Variants in NLRC3 observed in about 807,000 individuals in gnomAD.
NLRC3 encodes the protein NLR family CARD domain-containing protein 3.
In NLRC3, 87 loss-of-function variants were observed where a neutral mutation model predicts 91.6. That is an observed-to-expected ratio of 0.95 (90% CI 0.80 to 1.14). The LOEUF (loss-of-function observed/expected upper bound fraction) is 1.14. NLRC3 is among the 50% of genes most tolerant of loss of function. The pLI is 0.00. For synonymous variants in NLRC3, 694 were observed against 625.3 expected, an observed-to-expected ratio of 1.11 and a Z score of -1.64; for missense variants, 1,577 against 1,418.6, an observed-to-expected ratio of 1.11 and a Z score of -1.79.
At chr16:3,556,135 C>T (rs1387502568) in intron 8 of NLRC3, among the ~76,000 whole-genome samples, 2 of 149,272 alleles carry the variant, frequency 1.3e-5, no homozygotes, top group South Asian at 4.3e-4. Flanking sequence ...TCGAGACCAG[C>T]CTGGTCAAAA....
intron 2 of NLRC3, among the ~76,000 whole-genome samples, 200 bp from the exon 3 acceptor site, chr16:3,565,580 G>A (rs1157234611): frequency 6.7e-6 from 1 of 149,514 alleles, no homozygotes; most frequent in Non-Finnish European, 1.5e-5. Context: ...GAGACAGGAA[G>A]ACAGTGAAAG....
At chr16:3,565,948 C>T (rs1012336637) in intron 2 of NLRC3, among the ~76,000 whole-genome samples, 15 of 151,088 alleles carry the variant, frequency 9.9e-5, no homozygotes, top group Non-Finnish European at 1.8e-4. Context: ...GCCAAGGCAG[C>T]AGGATCGCTT....
Position 3,563,938 on chromosome 16 carries a change from C to A in NLRC3, c.999G>T (p.Arg333Ser). The A allele has an allele frequency of 6.3e-7, 1 of 1,593,564 alleles. No individual in the cohort carries two copies. The highest frequency in any genetic ancestry group is 8.5e-7 in the Non-Finnish European group (1 of 1,172,012). ...YLMCTVPAFC[R>S]LTGMALGHLW... is the part of the protein sequence containing the mutation. ...GGTGGCCTAGCGCCATCCCCGTGAG[C>A]CTGCAGAAGGCTGGGACGGTGCACA... is the stretch of plus-strand genomic sequence containing the variant. Residue 333 changes from arginine (R) to serine (S), a missense_variant, in exon 5 of 20, where the codon AGG (arginine) becomes AGT (serine). Physicochemically the swap from Arg to Ser is moderately radical, Grantham distance 110 (BLOSUM62 -1). Transcript: ENST00000359128.
chr16:3,554,348 A>T, intron 8 of NLRC3, 23 bp from the exon 9 acceptor site: 1 of 1,580,176 alleles, frequency 6.3e-7, no homozygotes, highest in East Asian at 2.2e-5. Context: ...GAAGAGGCTC[A>T]TCACTGATGG....
rs116307374 is a variant in NLRC3 at position 3,576,540 on chromosome 16, G to T, written c.-169+609C>A. On this transcript the variant is annotated intron_variant, in intron 1 of 19. Transcript: ENST00000359128. ...GGCTCAGCATCACCACTGCCTGCCC[G>T]CAGCACCTTCAAGATGCTTCCTGCT... Among the ~76,000 whole-genome samples, 601 of 152,350 alleles carry T rather than the reference G, an allele frequency of 3.9e-3. 6 individuals carry two copies. Among genetic ancestry groups the T allele is most frequent in the African/African-American group, 0.014 (574 of 41,590 alleles).
intron 17 of NLRC3, 181 bp from the exon 18 acceptor site, chr16:3,542,956 G>A (rs982627369): frequency 2.4e-5 from 14 of 582,136 alleles, no homozygotes; most frequent in African/African-American, 2.1e-4. Flanking sequence ...GGGAAGCAGG[G>A]CACACAGGGG....
In NLRC3 at chr16:3,564,101, A is replaced by G. The variant is rs2039756473; in HGVS notation, c.836T>C (p.Leu279Pro). 3 of 1,613,506 alleles carry G rather than the reference A, an allele frequency of 1.9e-6. No individual in the cohort carries two copies. In the Admixed American group the frequency reaches 5.0e-5, roughly 27 times the overall value. ...CCGGATCTCCGTCATCCGGTCCACC[A>G]GGCCCCCTGGGATCTGGCCAGATGC... ...PSASGQIPGG[L>P]VDRMTEIRGF... The change falls in exon 5 of 20, where the codon CTG becomes CCG. Residue 279 changes from leucine (L) to proline (P), a missense_variant. Transcript: ENST00000359128. This position sits in a 1 kb window ranked among gnomAD's most constrained non-coding sequence, Gnocchi z 5.9.
rs370371750 is a variant in NLRC3, at chr16:3,554,290, C to G, written c.2219G>C (p.Arg740Thr). The G allele has an allele frequency of 5.1e-5, 83 of 1,613,910 alleles. No individual in the cohort carries two copies. Among genetic ancestry groups the G allele is most frequent in the Admixed American group, 8.3e-5 (5 of 60,020 alleles). Residue 740 changes from arginine to threonine, a missense_variant, in exon 9 of 20, where the codon AGG becomes ACG. By Grantham distance (71) the Arg-to-Thr change is moderately conservative. Coordinates refer to ENST00000359128, the MANE Select transcript of NLRC3 (RefSeq NM_178844.4). ...GGAGGCCAAGGCCTCAGCCATGGAC[C>G]TGGCACCATCATCCCTAACGGTGTT... ...QGNTVRDDGA[R>T]SMAEALASNR...
Position 3,563,567 on chromosome 16 carries a change from G to A in NLRC3, c.1370C>T (p.Ser457Phe). Residue 457 changes from serine (S) to phenylalanine (F), a missense_variant, in exon 5 of 20, where the codon TCC becomes TTC. Physicochemically the swap from Ser to Phe is radical, Grantham distance 155. Coordinates refer to ENST00000359128, the MANE Select transcript of NLRC3 (RefSeq NM_178844.4). ...CGCGGCTGCCACAAACTCCTGCAGG[G>A]ACAGGTGGGTGAAGCAGTAGGCCAC... Reference protein sequence around the residue: ...SSVAYCFTHLSLQEFVAAAYY... With the variant: ...SSVAYCFTHLFLQEFVAAAYY... 3 of 1,612,386 alleles carry A rather than the reference G, an allele frequency of 1.9e-6. No homozygotes were observed. The highest frequency in any genetic ancestry group is 2.5e-6 in the Non-Finnish European group (3 of 1,179,466).
rs1055716389 is a variant in NLRC3 at position 3,550,401 on chromosome 16, C to A, written c.2435+13G>T. ...AACCCAGGGGGAATCGTCACCCTGG[C>A]AGGTGGACTCACTCCAGGCTCTCCA... On this transcript the variant is annotated intron_variant, in intron 11 of 19. Coordinates refer to ENST00000359128, the MANE Select transcript of NLRC3 (RefSeq NM_178844.4). The A allele has an allele frequency of 1.9e-6, 3 of 1,580,760 alleles. No individual in the cohort carries two copies. The African/African-American group carries it at 4.0e-5, about 21-fold the overall frequency.
At chr16:3,543,201 T>C in intron 17 of NLRC3, 1 of 542,018 alleles carries the variant, frequency 1.8e-6, no homozygotes, top group South Asian at 2.0e-5. Context: ...ACCAGGCCTC[T>C]AGACGTGTTC....
At chr16:3,560,704 CGCTGGAGTGCAGTGGT>C (rs1179536413) in intron 6 of NLRC3, among the ~76,000 whole-genome samples, 2 of 151,886 alleles carry the variant, frequency 1.3e-5, no homozygotes, top group African/African-American at 2.4e-5. Flanking sequence ...AGTGCAGTGG[CGCTGGAGTGCAGTGGT>C]GCGATCTCGG....
chr16:3,551,766 CCCATCCATCCAT>C (rs370210844), intron 10 of NLRC3, among the ~76,000 whole-genome samples: 1 of 111,530 alleles, frequency 9.0e-6, no homozygotes. Context: ...AGTCCTCTCA[CCCATCCATCCAT>C]CCATCCATCC....
In NLRC3 at chr16:3,564,791, A is replaced by G; in HGVS notation, c.179-33T>C. The G allele has an allele frequency of 6.4e-7, 1 of 1,567,218 alleles. No individual in the cohort carries two copies. On this transcript the variant is annotated intron_variant, in intron 4 of 19. Coordinates refer to ENST00000359128, the MANE Select transcript of NLRC3 (RefSeq NM_178844.4). The surrounding 1 kb of genome is among the most constrained non-coding windows in gnomAD (Gnocchi z 5.9). The stretch of plus-strand genomic sequence containing the variant: ...ACAGAGGCCAGTGGGGAGGTCTGGT[A>G]AGGGAAGAGTGGGCACAATCAGCCC...
At chr16:3,551,369 C>T (rs1489725816) in intron 10 of NLRC3, among the ~76,000 whole-genome samples, 1 of 151,276 alleles carries the variant, frequency 6.6e-6, no homozygotes, top group African/African-American at 2.4e-5. Flanking sequence ...TTCACGTACC[C>T]ATCCACCTAT....
At chr16:3,550,583 C>A in intron 10 of NLRC3, 86 bp from the exon 11 acceptor site, 1 of 941,176 alleles carries the variant, frequency 1.1e-6, no homozygotes, top group Non-Finnish European at 1.7e-6. Context: ...GGAAGCCCTC[C>A]TGGGAGGGCT....
chr16:3,576,329 G>A (rs2040290492), intron 1 of NLRC3, among the ~76,000 whole-genome samples: 1 of 152,224 alleles, frequency 6.6e-6, no homozygotes, highest in Non-Finnish European at 1.5e-5. Context: ...CTGTGGGCAG[G>A]AGAGGCCCTG....
intron 10 of NLRC3, among the ~76,000 whole-genome samples, chr16:3,551,362 A>C (rs1280577896): frequency 6.7e-6 from 1 of 150,166 alleles, no homozygotes; most frequent in Admixed American, 6.6e-5. Context: ...CCATCCATTC[A>C]CGTACCCATC....
intron 5 of NLRC3, among the ~76,000 whole-genome samples, chr16:3,562,152 T>G (rs2039642896): frequency 1.3e-5 from 2 of 152,174 alleles, no homozygotes. Flanking sequence ...GTGTGCAGCT[T>G]CTATCAGACT....
Sources: gnomAD v4.1 joint callset for allele counts (sites outside exome capture counted in the v4.1 genomes callset) on GRCh38, gnomAD v4.1.1 for gene constraint, Gnocchi (gnomAD v3.1) non-coding constraint, MANE v1.5 for transcripts, NCBI Gene and HGNC (gene_info 2026-07-23, HGNC 2026-07-21) for gene names.